KLHL32: variants seen among roughly 807,000 people sequenced by gnomAD.
KLHL32 encodes the protein kelch-like protein 32.
A neutral mutation model predicts 64.8 loss-of-function variants in KLHL32; 35 were observed. The ratio of observed to expected loss-of-function variants is 0.54; its 90% confidence interval spans 0.41 to 0.72. The LOEUF (loss-of-function observed/expected upper bound fraction) is 0.72. KLHL32 is among the 30% of genes least tolerant of loss of function. The pLI is 0.00. For synonymous variants in KLHL32, 259 were observed against 281.0 expected (o/e 0.92, Z 0.78); for missense variants, 589 against 768.5 (o/e 0.77, Z 2.76).
intron 3 of KLHL32, among the ~76,000 whole-genome samples, chr6:97,026,668 C>T (rs955108970): frequency 3.9e-5 from 6 of 152,060 alleles, no homozygotes; most frequent in African/African-American, 1.5e-4. Flanking sequence ...TGGTCATATA[C>T]CTTCCTTTAT....
intron 1 of KLHL32, among the ~76,000 whole-genome samples, chr6:96,963,805 A>C (rs1774135564): frequency 6.6e-6 from 1 of 152,250 alleles, no homozygotes; most frequent in Non-Finnish European, 1.5e-5. Flanking sequence ...GTGGTTGACC[A>C]CAAAGCTCCT....
chr6:96,970,172 C>G (rs981334111), intron 2 of KLHL32, among the ~76,000 whole-genome samples: 1 of 152,192 alleles, frequency 6.6e-6, no homozygotes, highest in African/African-American at 2.4e-5. Context: ...AGCTGAACCA[C>G]AGCCACAGTC....
intron 1 of KLHL32, among the ~76,000 whole-genome samples, chr6:96,941,032 AC>A (rs1771218932): frequency 6.6e-6 from 1 of 152,162 alleles, no homozygotes; most frequent in African/African-American, 2.4e-5. Context: ...GATAATTAAC[AC>A]CTTAGGATTT....
chr6:97,108,532 A>AT (rs539665831), intron 6 of KLHL32, among the ~76,000 whole-genome samples: 45 of 152,326 alleles, frequency 3.0e-4, no homozygotes, highest in African/African-American at 7.7e-4. Flanking sequence ...GATGAGGTTC[A>AT]CAGCACAGAG....
At chr6:96,913,232 A>C in the KLHL32 span, among the ~76,000 whole-genome samples, 1 of 152,324 alleles carries the variant, frequency 6.6e-6, no homozygotes, top group East Asian at 1.9e-4. Context: ...CCAGCAACTA[A>C]TAAACTGAAT....
At chr6:97,025,981 CTATT>C (rs71938480) in intron 3 of KLHL32, among the ~76,000 whole-genome samples, 4,888 of 152,148 alleles carry the variant, frequency 0.032, 233 homozygotes, top group African/African-American at 0.11. Context: ...GAAGAAAAAA[CTATT>C]TATCTTTCTT....
intron 4 of KLHL32, among the ~76,000 whole-genome samples, chr6:97,051,549 T>G (rs1160095573): frequency 6.6e-6 from 1 of 152,236 alleles, no homozygotes; most frequent in Non-Finnish European, 1.5e-5. Flanking sequence ...GTTCCATTGC[T>G]ACATATTTCA....
intron 1 of KLHL32, among the ~76,000 whole-genome samples, chr6:96,926,883 T>G (rs73758063): frequency 0.034 from 5,131 of 152,248 alleles, 312 homozygotes; most frequent in African/African-American, 0.12. Context: ...TGTATCTGGG[T>G]CATATCTAGC....
chr6:96,978,547 A>G (rs1775961147), intron 3 of KLHL32, among the ~76,000 whole-genome samples: 1 of 152,106 alleles, frequency 6.6e-6, no homozygotes, highest in Admixed American at 6.5e-5. Context: ...TCTACCACTG[A>G]TGGTCATTTA....
At chr6:96,964,450 G>A (rs1394745554) in intron 1 of KLHL32, among the ~76,000 whole-genome samples, 2 of 152,176 alleles carry the variant, frequency 1.3e-5, no homozygotes, top group African/African-American at 2.4e-5. Context: ...TCAGGAGATC[G>A]AGACCATCCT....
intron 3 of KLHL32, among the ~76,000 whole-genome samples, chr6:97,034,236 G>A (rs945120961): frequency 3.9e-5 from 6 of 151,972 alleles, no homozygotes; most frequent in African/African-American, 9.7e-5. Flanking sequence ...TTTGGCATGC[G>A]GATGTCAAGT....
intron 5 of KLHL32, among the ~76,000 whole-genome samples, chr6:97,071,065 A>G (rs1246198858): frequency 9.2e-5 from 14 of 151,822 alleles, no homozygotes; most frequent in Admixed American, 9.2e-4. Flanking sequence ...CTTTTCTTTC[A>G]GTTTATAAAT....
At chr6:97,096,592 C>A (rs764354327) in intron 6 of KLHL32, among the ~76,000 whole-genome samples, 1 of 152,236 alleles carries the variant, frequency 6.6e-6, no homozygotes, top group African/African-American at 2.4e-5. Context: ...TGGCCTATTG[C>A]AGAATTTTTA....
intron 4 of KLHL32, among the ~76,000 whole-genome samples, chr6:97,042,204 T>A (rs1037431955): frequency 6.6e-6 from 1 of 152,258 alleles, no homozygotes; most frequent in Non-Finnish European, 1.5e-5. Flanking sequence ...TATAAATTGT[T>A]GTTCTTTAAC....
intron 1 of KLHL32, among the ~76,000 whole-genome samples, chr6:96,952,355 A>G (rs142983030): frequency 4.9e-4 from 74 of 152,352 alleles, no homozygotes; most frequent in Admixed American, 3.1e-3. Flanking sequence ...AATATGCCAT[A>G]GGAACTTAAC....
intron 6 of KLHL32, among the ~76,000 whole-genome samples, chr6:97,091,272 T>C (rs1794182998): frequency 6.6e-6 from 1 of 152,220 alleles, no homozygotes; most frequent in Non-Finnish European, 1.5e-5. Flanking sequence ...TTCCCTTGGG[T>C]AGTGCCCATG....
intron 5 of KLHL32, among the ~76,000 whole-genome samples, chr6:97,073,946 A>C (rs145076998): frequency 1.7e-3 from 262 of 152,282 alleles, no homozygotes; most frequent in African/African-American, 6.0e-3. Context: ...ATCAAGGGGC[A>C]TGTGCCACAG....
intron 3 of KLHL32, among the ~76,000 whole-genome samples, chr6:97,004,898 G>T (rs1022008447): frequency 2.0e-5 from 3 of 151,952 alleles, no homozygotes; most frequent in Admixed American, 6.5e-5. Flanking sequence ...GTGGATTTTT[G>T]CATCTATGTT....
rs529596042 is a variant in KLHL32 at position 96,985,719 on chromosome 6, C to T, written c.204+9542C>T. ...AGTTCTCGTGCCTTGGTTTTCAGTT[C>T]CATCAGGTCCTTTAAGGACTTCTCT... On this transcript the variant is annotated intron_variant, in intron 3 of 10. Coordinates refer to ENST00000369261, the MANE Select transcript of KLHL32 (RefSeq NM_052904.4). Among the ~76,000 whole-genome samples the T allele has an allele frequency of 1.6e-4, 23 of 147,098 alleles. No individual in the cohort carries two copies. The South Asian group carries it at 3.4e-3, about 22-fold the overall frequency.
Sources: allele counts gnomAD v4.1 joint callset (sites outside exome capture counted in the v4.1 genomes callset), GRCh38; gene constraint gnomAD v4.1.1; transcripts MANE v1.5; gene names NCBI Gene and HGNC (gene_info 2026-07-23, HGNC 2026-07-21).